The following IGFBPL1 variants were observed in gnomAD, a reference collection of about 807,000 sequenced individuals.
IGFBPL1 encodes the protein insulin-like growth factor-binding protein-like 1.
In IGFBPL1, 20 loss-of-function variants were observed where a neutral mutation model predicts 23.9. The ratio of observed to expected loss-of-function variants is 0.84; its 90% CI spans 0.59 to 1.22. IGFBPL1 has a LOEUF of 1.22. Among genes scored for constraint, IGFBPL1 ranks in the 50% most tolerant of loss-of-function variants. IGFBPL1 has a pLI of 0.00. For synonymous variants in IGFBPL1, 184 were observed against 171.8 expected, an observed-to-expected ratio of 1.07 and a Z score of -0.56; for missense variants, 436 against 379.3, an observed-to-expected ratio of 1.15 and a Z score of -1.24.
In IGFBPL1 at chr9:38,407,613, C is replaced by T. The variant is rs1410217500; in HGVS notation, c.*1614G>A. On this transcript the variant is annotated 3_prime_UTR_variant, in exon 5 of 5. Transcript: ENST00000377694. ...GTCCCTGAAGCCTGTGGATTGGCAA[C>T]ATCTGCCTTTACATAGTTTTGAGAT... Among the ~76,000 whole-genome samples the T allele has an allele frequency of 6.6e-6, 1 of 152,224 alleles. No individual in the cohort carries two copies. The highest frequency in any genetic ancestry group is 1.5e-5 in the Non-Finnish European group (1 of 68,042).
At chr9:38,412,964 C>T (rs189989733) in intron 3 of IGFBPL1, among the ~76,000 whole-genome samples, 29 of 152,266 alleles carry the variant, frequency 1.9e-4, no homozygotes, top group African/African-American at 7.0e-4. Context: ...GTTTAGCAAC[C>T]ACAACCTCCC....
At position 38,424,260 on chromosome 9, in the gene IGFBPL1, G is replaced by A; in HGVS notation, c.165C>T (p.Pro55=). The change falls in exon 1 of 5, where the codon CCC becomes CCT. Residue 55 remains proline (P), a synonymous_variant. Transcript: ENST00000377694. ...CGCACTCGTCGAGCGCCGAGATCCCGGGCGCCGGGCAGGGCGCAGGCGCCG... is the reference window on the plus strand; with the variant it reads ...CGCACTCGTCGAGCGCCGAGATCCCAGGCGCCGGGCAGGGCGCAGGCGCCG... ...GCPAPAPCPA[P]GISALDECGC... The A allele has an allele frequency of 8.2e-7, 1 of 1,224,494 alleles. No individual in the cohort carries two copies. Among genetic ancestry groups the A allele is most frequent in the Non-Finnish European group, 1.0e-6 (1 of 982,630 alleles). The allele number at this position is 1,224,494 out of a possible 1,614,324, so 75.9% of individuals were successfully genotyped here. A position where few individuals can be genotyped will look rare whatever the true frequency, so the allele number is the denominator to read the frequency against.
chr9:38,410,337 G>T (rs1173642644), intron 4 of IGFBPL1, among the ~76,000 whole-genome samples: 2 of 152,096 alleles, frequency 1.3e-5, no homozygotes, highest in Non-Finnish European at 1.5e-5. Flanking sequence ...AAAAAAATTA[G>T]CCAGGTGTGG....
chr9:38,420,237 TTCCCAACCA>T (rs1821660559), intron 1 of IGFBPL1, among the ~76,000 whole-genome samples: 1 of 152,172 alleles, frequency 6.6e-6, no homozygotes, highest in Non-Finnish European at 1.5e-5. Context: ...GTCATCTCCT[TTCCCAACCA>T]TCCTACCAGG....
rs200524351 is a variant in IGFBPL1, at chr9:38,413,366, G to A, written c.571-13C>T. ...GGGACTTCGTGACCTACAGGGGACA[G>A]GAATGCCAGGAGGGGGCTTAGAAAA... On this transcript the variant is annotated splice_polypyrimidine_tract_variant and intron_variant, in intron 2 of 4. Transcript: ENST00000377694. The A allele has an allele frequency of 1.9e-6, 3 of 1,545,450 alleles. No individual in the cohort carries two copies. Among genetic ancestry groups the A allele is most frequent in the African/African-American group, 2.7e-5 (2 of 73,442 alleles).
At chr9:38,414,323 T>C in intron 1 of IGFBPL1, 120 bp from the exon 2 acceptor site, 3 of 609,384 alleles carry the variant, frequency 4.9e-6, no homozygotes, top group Non-Finnish European at 8.7e-6. Flanking sequence ...GAGCGGCACA[T>C]CACGCTTGGG....
intron 1 of IGFBPL1, among the ~76,000 whole-genome samples, chr9:38,419,584 G>A (rs67034637): frequency 0.11 from 16,258 of 152,004 alleles, 1,059 homozygotes; most frequent in African/African-American, 0.18. Context: ...GGTGCTGGCC[G>A]GGACCCTGTT....
chr9:38,413,432 C>T, intron 2 of IGFBPL1, 79 bp from the exon 3 acceptor site: 2 of 809,902 alleles, frequency 2.5e-6, no homozygotes, highest in South Asian at 3.1e-5. Context: ...CTTCCTTGCC[C>T]TCCTCCTTCC....
chr9:38,410,449 C>G (rs1381304702), intron 4 of IGFBPL1, among the ~76,000 whole-genome samples: 1 of 149,928 alleles, frequency 6.7e-6, no homozygotes, highest in Non-Finnish European at 1.5e-5. Context: ...CACCACTGCA[C>G]TCCAGCCTGG....
intron 3 of IGFBPL1, among the ~76,000 whole-genome samples, chr9:38,412,635 T>C (rs1365513134): frequency 6.6e-6 from 1 of 152,134 alleles, no homozygotes; most frequent in Non-Finnish European, 1.5e-5. Flanking sequence ...CACATTTCTT[T>C]TCTACAGTTT....
Position 38,406,948 on chromosome 9 carries a change from G to C in IGFBPL1, c.*2279C>G, listed in dbSNP as rs537241673. 6.6e-6 allele frequency among the ~76,000 whole-genome samples: 1 copy of C among 152,206 alleles called. No homozygotes were observed. The highest frequency in any genetic ancestry group is 1.9e-4 in the East Asian group (1 of 5,188). ...AATCTGAGGTGAGTCAACTGAGTTTGCAAAATGTGCTTATTAGCAGGTGTG... is the reference window on the plus strand; with the variant it reads ...AATCTGAGGTGAGTCAACTGAGTTTCCAAAATGTGCTTATTAGCAGGTGTG... On this transcript the variant is annotated 3_prime_UTR_variant, in exon 5 of 5. Coordinates refer to ENST00000377694, the MANE Select transcript of IGFBPL1 (RefSeq NM_001007563.3).
At chr9:38,418,797 G>A (rs1821634186) in intron 1 of IGFBPL1, among the ~76,000 whole-genome samples, 1 of 151,976 alleles carries the variant, frequency 6.6e-6, no homozygotes, top group Admixed American at 6.6e-5. Context: ...ACCATCCAAG[G>A]GCTAACCAGC....
chr9:38,412,939 C>T (rs1821533957), intron 3 of IGFBPL1, among the ~76,000 whole-genome samples: 2 of 152,326 alleles, frequency 1.3e-5, no homozygotes, highest in South Asian at 2.1e-4. Context: ...TATCTTAAAT[C>T]TCCTTATCTC....
Position 38,424,283 on chromosome 9 carries a change from C to G in IGFBPL1, c.142G>C (p.Ala48Pro). The G allele has an allele frequency of 1.6e-6, 2 of 1,238,166 alleles. No homozygotes were observed. Among genetic ancestry groups the G allele is most frequent in the Non-Finnish European group, 2.0e-6 (2 of 983,254 alleles). The allele number at this position is 1,238,166 out of a possible 1,614,324, so 76.7% of individuals were successfully genotyped here. A position where few individuals can be genotyped will look rare whatever the true frequency, so the allele number is the denominator to read the frequency against. ...CGPCRPEGCP[A>P]PAPCPAPGIS... ...CCGGGCGCCGGGCAGGGCGCAGGCGCCGGGCAGCCCTCTGGCCGGCACGGA... is the reference window on the plus strand; with the variant it reads ...CCGGGCGCCGGGCAGGGCGCAGGCGGCGGGCAGCCCTCTGGCCGGCACGGA... Residue 48 changes from alanine to proline, a missense_variant, in exon 1 of 5, where the codon GCG (alanine) becomes CCG (proline). By Grantham distance (27) the Ala-to-Pro change is conservative. Coordinates refer to ENST00000377694, the MANE Select transcript of IGFBPL1 (RefSeq NM_001007563.3).
chr9:38,414,692 A>G (rs1220118001), intron 1 of IGFBPL1, among the ~76,000 whole-genome samples: 2 of 152,154 alleles, frequency 1.3e-5, no homozygotes, highest in African/African-American at 2.4e-5. Context: ...CTGGAGCTCA[A>G]TCCCCTGCGG....
chr9:38,413,279 C>T lies in IGFBPL1; in HGVS notation c.645G>A (p.Val215=). ...CCTCATGGTCAGAAGGGCCCCCTCGCACTTGGACAGCTATATTGACATGGT... is the reference window on the plus strand; with the variant it reads ...CCTCATGGTCAGAAGGGCCCCCTCGTACTTGGACAGCTATATTGACATGGT... ...PGDHVNIAVQ[V]RGGPSDHEAT... The change falls in exon 3 of 5, where the codon GTG becomes GTA. Residue 215 remains valine, a synonymous_variant. Transcript: ENST00000377694. 7 of 1,614,138 alleles carry T rather than the reference C, an allele frequency of 4.3e-6. No individual in the cohort carries two copies. Among genetic ancestry groups the T allele is most frequent in the South Asian group, 1.1e-5 (1 of 91,054 alleles).
intron 1 of IGFBPL1, among the ~76,000 whole-genome samples, chr9:38,415,791 G>T (rs1821592561): frequency 6.6e-6 from 1 of 152,118 alleles, no homozygotes; most frequent in African/African-American, 2.4e-5. Context: ...TCCTGGGGCT[G>T]CCCTCTGGAG....
At chr9:38,423,458 A>G (rs1427221341) in intron 1 of IGFBPL1, among the ~76,000 whole-genome samples, 1 of 151,880 alleles carries the variant, frequency 6.6e-6, no homozygotes, top group African/African-American at 2.4e-5. Flanking sequence ...GCCCCTTCCC[A>G]CACCGGGGGC....
rs1355618171 is a variant in IGFBPL1, at chr9:38,407,316, T to A, written c.*1911A>T. On this transcript the variant is annotated 3_prime_UTR_variant, in exon 5 of 5. Transcript: ENST00000377694. ...TAGTTTTATTCCCTTTTTACTCAAA[T>A]AAGGACACTGAGGCACAGAAAGTGA... 6.6e-6 allele frequency among the ~76,000 whole-genome samples: 1 copy of A among 152,182 alleles called. No individual in the cohort carries two copies. The highest frequency in any genetic ancestry group is 2.4e-5 in the African/African-American group (1 of 41,434).
Sources: allele counts gnomAD v4.1 joint callset (sites outside exome capture counted in the v4.1 genomes callset), GRCh38; gene constraint gnomAD v4.1.1; transcripts MANE v1.5; gene names NCBI Gene and HGNC (gene_info 2026-07-23, HGNC 2026-07-21).